POU2F3: variants seen among roughly 807,000 people sequenced by gnomAD.
POU2F3 encodes the protein POU class 2 homeobox 3.
Under a neutral mutation model 59.2 loss-of-function variants are expected in POU2F3, and 23 were observed. The ratio of observed to expected loss-of-function variants is 0.39; its 90% confidence interval spans 0.28 to 0.55. The LOEUF (loss-of-function observed/expected upper bound fraction) is 0.55. Among genes scored for constraint, POU2F3 ranks in the 20% least tolerant of loss-of-function variants. The pLI is 0.66. For missense variants in POU2F3, 473 were observed against 544.5 expected, an observed-to-expected ratio of 0.87 and a Z score of 1.31; for synonymous variants, 190 against 214.6, an observed-to-expected ratio of 0.89 and a Z score of 1.00.
intron 3 of POU2F3, among the ~76,000 whole-genome samples, chr11:120,282,365 G>T (rs2135237118): frequency 6.6e-6 from 1 of 152,360 alleles, no homozygotes; most frequent in Middle Eastern, 3.4e-3. Context: ...TGTGTTTAAA[G>T]AAATATTAGG....
At chr11:120,269,328 T>A in intron 3 of POU2F3, 84 bp downstream of exon 3, 1 of 1,202,990 alleles carries the variant, frequency 8.3e-7, no homozygotes, top group Non-Finnish European at 1.2e-6. Flanking sequence ...AAGACAAGAT[T>A]AAGTACAGTT....
At chr11:120,274,345 T>TA (rs1940234423) in intron 3 of POU2F3, among the ~76,000 whole-genome samples, 1 of 152,222 alleles carries the variant, frequency 6.6e-6, no homozygotes, top group Non-Finnish European at 1.5e-5. Flanking sequence ...AGCTAACTCT[T>TA]AGACAAGTAT....
intron 3 of POU2F3, among the ~76,000 whole-genome samples, chr11:120,292,941 G>T (rs755824612): frequency 1.5e-4 from 23 of 152,224 alleles, no homozygotes; most frequent in Non-Finnish European, 3.1e-4. Context: ...CACTAGCAAT[G>T]CTATGTCCTA....
chr11:120,298,830 G>A (rs1034946017), intron 4 of POU2F3, among the ~76,000 whole-genome samples: 1 of 152,194 alleles, frequency 6.6e-6, no homozygotes, highest in Admixed American at 6.5e-5. Flanking sequence ...CCAAGGTCCG[G>A]GAGGGCGTTC....
chr11:120,287,702 T>G (rs1940834967), intron 3 of POU2F3, among the ~76,000 whole-genome samples: 1 of 152,140 alleles, frequency 6.6e-6, no homozygotes, highest in Non-Finnish European at 1.5e-5. Flanking sequence ...CCTAGAGCCC[T>G]GTCCCCAGCT....
chr11:120,279,488 G>T (rs1230068130), intron 3 of POU2F3, among the ~76,000 whole-genome samples: 2 of 152,206 alleles, frequency 1.3e-5, no homozygotes, highest in Non-Finnish European at 2.9e-5. Context: ...AGCTGGGCTT[G>T]CACCAGGTTG....
intron 6 of POU2F3, among the ~76,000 whole-genome samples, chr11:120,304,754 G>A (rs1565385833): frequency 6.6e-6 from 1 of 152,002 alleles, no homozygotes; most frequent in Non-Finnish European, 1.5e-5. Flanking sequence ...CTCAAAAAGT[G>A]AGTCACAGGC....
rs571555335 is a variant in POU2F3 at position 120,312,311 on chromosome 11, CG to C, written c.1068+2729del. ...GCTAATTTTGTATGTTTAGTAGAGA[CG>C]GGGTTTCACCATGTTGGCCAGGCTG... is the stretch of plus-strand genomic sequence containing the variant. On this transcript the variant is annotated intron_variant, in intron 10 of 12. Transcript: ENST00000543440. Among the ~76,000 whole-genome samples, 397 of 152,110 alleles carry C rather than the reference CG, an allele frequency of 2.6e-3. 1 individual carries two copies. Among genetic ancestry groups the C allele is most frequent in the African/African-American group, 9.1e-3 (377 of 41,498 alleles).
intron 3 of POU2F3, among the ~76,000 whole-genome samples, chr11:120,277,274 G>A (rs1258416560): frequency 2.0e-5 from 3 of 151,806 alleles, no homozygotes; most frequent in African/African-American, 7.3e-5. Flanking sequence ...CTGGGTGATA[G>A]AGCCAGACTC....
At chr11:120,266,289 G>A (rs1355427402) in intron 2 of POU2F3, among the ~76,000 whole-genome samples, 3 of 151,978 alleles carry the variant, frequency 2.0e-5, no homozygotes, top group Admixed American at 6.6e-5. Context: ...GTCCATTTAA[G>A]TACATCCTGG....
At chr11:120,309,393 T>C in intron 9 of POU2F3, 32 bp from the exon 10 acceptor site, 1 of 1,575,652 alleles carries the variant, frequency 6.3e-7, no homozygotes, top group East Asian at 2.3e-5. Flanking sequence ...TTCCCTTCTC[T>C]TGGCCATACT....
At chr11:120,297,742 A>G (rs916800231) in intron 3 of POU2F3, among the ~76,000 whole-genome samples, 144 of 152,058 alleles carry the variant, frequency 9.5e-4, no homozygotes, top group African/African-American at 3.3e-3. Flanking sequence ...AAGAAAAAAA[A>G]GAATATCATC....
chr11:120,252,010 G>A (rs1033740145), intron 2 of POU2F3, among the ~76,000 whole-genome samples: 62 of 151,590 alleles, frequency 4.1e-4, no homozygotes, highest in African/African-American at 1.5e-3. Flanking sequence ...TGGTCAGGCT[G>A]GTCTTGAACT....
intron 3 of POU2F3, among the ~76,000 whole-genome samples, chr11:120,279,003 CTG>C (rs1208369447): frequency 6.6e-6 from 1 of 152,166 alleles, no homozygotes; most frequent in Non-Finnish European, 1.5e-5. Context: ...TGAACTCTGA[CTG>C]TATGCCGGGC....
intron 2 of POU2F3, chr11:120,250,089 A>G (rs981106645): frequency 2.0e-5 from 3 of 152,198 alleles, no homozygotes; most frequent in Non-Finnish European, 4.4e-5. Context: ...ATGTGTGCCC[A>G]GTTCTGCTTT....
rs1200266769 is a variant in POU2F3, at chr11:120,309,515, C to G, written c.997C>G (p.Arg333Gly). ...EVVRVWFCNRRQKEKRINCPV... is the reference protein window; with the variant it reads ...EVVRVWFCNRGQKEKRINCPV... ...GGTGAGGGTCTGGTTCTGCAACCGA[C>G]GCCAAAAGGAGAAGCGAATCAACTG... Residue 333 changes from arginine to glycine, a missense_variant, in exon 10 of 13, where the codon CGC becomes GGC. Coordinates refer to ENST00000543440, the MANE Select transcript of POU2F3 (RefSeq NM_014352.4). 6.2e-7 allele frequency: 1 copy of G among 1,613,934 alleles called. No individual in the cohort carries two copies. Among genetic ancestry groups the G allele is most frequent in the African/African-American group, 1.3e-5 (1 of 74,894 alleles).
At chr11:120,241,696 A>G (rs1194363386) in intron 1 of POU2F3, among the ~76,000 whole-genome samples, 4 of 152,180 alleles carry the variant, frequency 2.6e-5, no homozygotes. Context: ...AAGTCTCTTC[A>G]GAAAGGTGGG....
intron 3 of POU2F3, among the ~76,000 whole-genome samples, chr11:120,274,691 A>G (rs1175178373): frequency 6.6e-6 from 1 of 152,166 alleles, no homozygotes; most frequent in Non-Finnish European, 1.5e-5. Context: ...GCAGGACTGA[A>G]GATGCATATT....
At chr11:120,279,474 A>G (rs1940471366) in intron 3 of POU2F3, among the ~76,000 whole-genome samples, 1 of 152,212 alleles carries the variant, frequency 6.6e-6, no homozygotes, top group African/African-American at 2.4e-5. Flanking sequence ...CTGTGTGGTT[A>G]CTTAGCTGGG....
Sources: allele counts gnomAD v4.1 joint callset (sites outside exome capture counted in the v4.1 genomes callset), GRCh38; gene constraint gnomAD v4.1.1; transcripts MANE v1.5; gene names NCBI Gene and HGNC (gene_info 2026-07-23, HGNC 2026-07-21).